Variants in GTF2F2 observed in about 807,000 individuals in gnomAD.
The protein encoded by GTF2F2 is ATP-dependent helicase GTF2F2.
A neutral mutation model predicts 42.2 loss-of-function variants in GTF2F2; 23 were observed. That is an observed-to-expected ratio of 0.55 (90% CI 0.39 to 0.77). The LOEUF (loss-of-function observed/expected upper bound fraction) is 0.77, where lower values mean the gene tolerates loss of function less well. Among genes scored for constraint, GTF2F2 ranks in the 30% least tolerant of loss-of-function variants. The probability of loss-of-function intolerance (pLI) is 0.00; values close to 1 mark genes in which losing one functional copy is unlikely to be tolerated. For missense variants in GTF2F2, 261 were observed against 287.2 expected (o/e 0.91, Z 0.66); for synonymous variants, 105 against 100.8 (o/e 1.04, Z -0.25).
At chr13:45,125,290 T>A (rs917623864) in intron 1 of GTF2F2, among the ~76,000 whole-genome samples, 1 of 152,186 alleles carries the variant, frequency 6.6e-6, no homozygotes, top group Non-Finnish European at 1.5e-5. Context: ...TTTTTTCCCC[T>A]TTGCGTCTCT....
At chr13:45,167,087 G>GA (rs1312108292) in intron 4 of GTF2F2, among the ~76,000 whole-genome samples, 6 of 149,882 alleles carry the variant, frequency 4.0e-5, no homozygotes, top group African/African-American at 1.5e-4. Flanking sequence ...AAATGCAGTT[G>GA]AAGTCTTTTT....
chr13:45,218,998 G>A (rs1873999778), intron 5 of GTF2F2, among the ~76,000 whole-genome samples: 1 of 152,038 alleles, frequency 6.6e-6, no homozygotes, highest in Non-Finnish European at 1.5e-5. Flanking sequence ...TCTAAGTAGA[G>A]AAAGAGAAGA....
chr13:45,276,768 A>G (rs1877054465), intron 7 of GTF2F2, among the ~76,000 whole-genome samples: 1 of 152,200 alleles, frequency 6.6e-6, no homozygotes, highest in South Asian at 2.1e-4. Context: ...ATGTCTTTAA[A>G]CAAAGTTAAA....
At chr13:45,144,796 A>G (rs1870113087) in intron 2 of GTF2F2, among the ~76,000 whole-genome samples, 1 of 152,212 alleles carries the variant, frequency 6.6e-6, no homozygotes, top group South Asian at 2.1e-4. Context: ...CAAAAAATTA[A>G]TGAGACACAA....
At chr13:45,160,391 A>G (rs1235016632) in intron 4 of GTF2F2, among the ~76,000 whole-genome samples, 1 of 152,212 alleles carries the variant, frequency 6.6e-6, no homozygotes, top group Non-Finnish European at 1.5e-5. Flanking sequence ...AAACTCTGCA[A>G]GTGGTAGTTT....
intron 4 of GTF2F2, among the ~76,000 whole-genome samples, chr13:45,169,648 C>A (rs1272391021): frequency 6.6e-6 from 1 of 152,182 alleles, no homozygotes; most frequent in African/African-American, 2.4e-5. Flanking sequence ...TGAAACATAA[C>A]CTACATTTAA....
At chr13:45,254,881 C>G (rs2138250253) in intron 6 of GTF2F2, among the ~76,000 whole-genome samples, 1 of 152,134 alleles carries the variant, frequency 6.6e-6, no homozygotes, top group Non-Finnish European at 1.5e-5. Context: ...TTAAGACTAG[C>G]CTTGGCAGAG....
intron 5 of GTF2F2, among the ~76,000 whole-genome samples, chr13:45,227,242 A>T (rs1486500062): frequency 6.6e-6 from 1 of 152,226 alleles, no homozygotes; most frequent in Non-Finnish European, 1.5e-5. Flanking sequence ...AAAAGTATTT[A>T]TTAGCATATG....
intron 4 of GTF2F2, among the ~76,000 whole-genome samples, chr13:45,165,593 C>T (rs942841463): frequency 6.8e-6 from 1 of 147,418 alleles, no homozygotes; most frequent in Non-Finnish European, 1.5e-5. Context: ...CGCTTTTAAC[C>T]TTTTCATTCT....
intron 5 of GTF2F2, among the ~76,000 whole-genome samples, chr13:45,210,523 T>C (rs7983981): frequency 2.8e-4 from 43 of 152,370 alleles, no homozygotes; most frequent in African/African-American, 9.9e-4. Context: ...TACTAAACTA[T>C]GTAGTTTACT....
intron 7 of GTF2F2, among the ~76,000 whole-genome samples, chr13:45,270,041 A>G (rs1876723618): frequency 6.6e-6 from 1 of 152,162 alleles, no homozygotes; most frequent in Non-Finnish European, 1.5e-5. Context: ...CATGTTGACA[A>G]GGCTGGTCTT....
chr13:45,277,639 G>A (rs1455708652), intron 7 of GTF2F2, among the ~76,000 whole-genome samples: 1 of 152,186 alleles, frequency 6.6e-6, no homozygotes. Context: ...TTTAACAGAA[G>A]AATGTTTTGC....
At chr13:45,249,208 C>T (rs5029139) in intron 5 of GTF2F2, among the ~76,000 whole-genome samples, 49,391 of 151,784 alleles carry the variant, frequency 0.33, 10,201 homozygotes, top group African/African-American at 0.59. Context: ...TTATTTTAAA[C>T]GATTCAAAGC....
chr13:45,283,471 T>A lies in GTF2F2; in HGVS notation c.660T>A (p.Ile220=), dbSNP rs1877346168. 1.2e-6 allele frequency: 2 copies of A among 1,612,148 alleles called. No homozygotes were observed. Among genetic ancestry groups the A allele is most frequent in the East Asian group, 4.5e-5 (2 of 44,820 alleles). The part of the protein sequence containing the change: ...VVYLKEILKE[I]GVQNVKGIHK... ...ACCTGAAGGAAATCTTAAAAGAAAT[T>A]GGTGTTCAGAATGTAAAAGGGATCC... Residue 220 remains isoleucine (I), a synonymous_variant, in exon 8 of 8, where the codon ATT becomes ATA. Transcript: ENST00000340473.
At chr13:45,189,192 G>T (rs1203825049) in intron 4 of GTF2F2, among the ~76,000 whole-genome samples, 1 of 152,090 alleles carries the variant, frequency 6.6e-6, no homozygotes, top group Admixed American at 6.5e-5. Flanking sequence ...CGAGAATGAT[G>T]GTTTCCAGCT....
intron 4 of GTF2F2, among the ~76,000 whole-genome samples, chr13:45,158,630 C>G (rs1435878519): frequency 6.6e-6 from 1 of 152,194 alleles, no homozygotes; most frequent in Non-Finnish European, 1.5e-5. Context: ...AATCAGCCTT[C>G]TCTTTCTGAT....
Position 45,120,585 on chromosome 13 carries a change from C to A in GTF2F2, c.-71C>A. 2 of 1,109,162 alleles carry A rather than the reference C, an allele frequency of 1.8e-6. No homozygotes were observed. Among genetic ancestry groups the A allele is most frequent in the East Asian group, 2.6e-5 (1 of 38,864 alleles). 68.7% of individuals were successfully genotyped at this position (1,109,162 alleles called of 1,614,324 possible). On this transcript the variant is annotated 5_prime_UTR_variant, in exon 1 of 8. Coordinates refer to ENST00000340473, the MANE Select transcript of GTF2F2 (RefSeq NM_004128.3). ...AGCGCGGCTTGTCCTTTGTTCCGGA[C>A]GCCCGCTCCTCAGCCCTGCGGCTCC... is the stretch of plus-strand genomic sequence containing the variant.
At chr13:45,198,379 G>A (rs970258587) in intron 4 of GTF2F2, among the ~76,000 whole-genome samples, 3 of 152,212 alleles carry the variant, frequency 2.0e-5, no homozygotes, top group African/African-American at 4.8e-5. Flanking sequence ...ACCTTACCAG[G>A]AGGTTATCCC....
intron 2 of GTF2F2, among the ~76,000 whole-genome samples, chr13:45,143,120 A>C (rs573057394): frequency 5.5e-4 from 84 of 152,212 alleles, no homozygotes; most frequent in Non-Finnish European, 1.1e-3. Flanking sequence ...AATGTCTTAT[A>C]AGGAACATTT....
Sources: allele counts gnomAD v4.1 joint callset (sites outside exome capture counted in the v4.1 genomes callset), GRCh38; gene constraint gnomAD v4.1.1; transcripts MANE v1.5; gene names NCBI Gene and HGNC (gene_info 2026-07-23, HGNC 2026-07-21).